Variants in ARHGAP42 observed in about 807,000 individuals in gnomAD.
ARHGAP42 encodes rho GTPase-activating protein 42.
In ARHGAP42, 63 loss-of-function variants were observed where a neutral mutation model predicts 125.0. The observed-to-expected ratio is 0.50, with a 90% CI of 0.41 to 0.62. The LOEUF is 0.62. ARHGAP42 is among the 20% of genes least tolerant of loss of function. The probability of loss-of-function intolerance (pLI) is 0.00; values close to 1 mark genes in which losing one functional copy is unlikely to be tolerated. For synonymous variants in ARHGAP42, 339 were observed against 351.0 expected (o/e 0.97, Z 0.38); for missense variants, 766 against 1,024.2 (o/e 0.75, Z 3.44).
At chr11:100,979,486 GT>G (rs1264382693) in intron 22 of ARHGAP42, among the ~76,000 whole-genome samples, 2 of 152,098 alleles carry the variant, frequency 1.3e-5, no homozygotes, top group African/African-American at 4.8e-5. Flanking sequence ...AAGCGACTCT[GT>G]TTTTAGAGTA....
At chr11:100,775,883 G>T (rs1565208952) in intron 2 of ARHGAP42, among the ~76,000 whole-genome samples, 2 of 152,244 alleles carry the variant, frequency 1.3e-5, no homozygotes, top group African/African-American at 2.4e-5. Flanking sequence ...ATTGTGGCCG[G>T]GTACGGTGGC....
intron 1 of ARHGAP42, among the ~76,000 whole-genome samples, chr11:100,767,902 A>G (rs142593754): frequency 0.016 from 2,498 of 152,294 alleles, 70 homozygotes; most frequent in African/African-American, 0.057. Flanking sequence ...TAAAAAGAAA[A>G]GCCTGTCTGA....
intron 1 of ARHGAP42, among the ~76,000 whole-genome samples, chr11:100,748,140 G>C (rs933222759): frequency 1.3e-5 from 2 of 152,124 alleles, no homozygotes; most frequent in African/African-American, 4.8e-5. Context: ...TGAAAACCTT[G>C]TAAGTTTGGG....
chr11:100,963,795 A>G (rs1858018806), intron 16 of ARHGAP42, among the ~76,000 whole-genome samples: 1 of 152,142 alleles, frequency 6.6e-6, no homozygotes, highest in Non-Finnish European at 1.5e-5. Context: ...GACCCTAATA[A>G]ATTCATGGCA....
In ARHGAP42 at chr11:100,687,584, T is replaced by C. The variant is rs1411869060; in HGVS notation, c.-95T>C. ...TCGCGTCCCGGCGCCTTCCCCGCGA[T>C]CGCGCGACCCCAGCGCCCGCCGCGG... On this transcript the variant is annotated 5_prime_UTR_variant, in exon 1 of 24. Transcript: ENST00000298815. 7.7e-6 allele frequency: 8 copies of C among 1,036,654 alleles called. No individual in the cohort carries two copies. The East Asian group carries it at 1.7e-4, about 22-fold the overall frequency. The allele number at this position is 1,036,654 out of a possible 1,614,324, so 64.2% of individuals were successfully genotyped here.
chr11:100,986,812 T>C lies in ARHGAP42; in HGVS notation c.2457-701T>C, dbSNP rs78882230. Among the ~76,000 whole-genome samples, 516 of 152,004 alleles carry C rather than the reference T, an allele frequency of 3.4e-3. 2 individuals carry two copies. Among genetic ancestry groups the C allele is most frequent in the African/African-American group, 0.012 (497 of 41,450 alleles). On this transcript the variant is annotated intron_variant, in intron 22 of 23. Transcript: ENST00000298815. ...TGTTGGCTCAAATATTTTTGGATCA[T>C]ATCTCATATGTAACTCCTAAATTCT...
At chr11:100,948,387 T>C in intron 10 of ARHGAP42, 70 bp from the exon 11 acceptor site, 1 of 1,111,782 alleles carries the variant, frequency 9.0e-7, no homozygotes, top group Non-Finnish European at 1.2e-6. Flanking sequence ...TCAAATTTTA[T>C]CTTTTTAGTT....
chr11:100,931,482 C>T (rs1044523314), intron 6 of ARHGAP42, among the ~76,000 whole-genome samples: 18 of 152,068 alleles, frequency 1.2e-4, no homozygotes, highest in South Asian at 2.1e-4. Flanking sequence ...TCAGGGGATT[C>T]GTTGTTTTAT....
At chr11:100,871,027 T>G (rs1865683261) in intron 4 of ARHGAP42, among the ~76,000 whole-genome samples, 1 of 152,204 alleles carries the variant, frequency 6.6e-6, no homozygotes, top group South Asian at 2.1e-4. Flanking sequence ...TTTGGTACTG[T>G]TGTAAATAAA....
chr11:100,939,781 A>G (rs79554474), intron 8 of ARHGAP42, among the ~76,000 whole-genome samples: 1 of 152,194 alleles, frequency 6.6e-6, no homozygotes, highest in African/African-American at 2.4e-5. Flanking sequence ...GTGCCAGTCA[A>G]CTTTAAAGAA....
At chr11:100,787,714 CAG>C (rs1863469179) in intron 2 of ARHGAP42, among the ~76,000 whole-genome samples, 1 of 152,254 alleles carries the variant, frequency 6.6e-6, no homozygotes, top group African/African-American at 2.4e-5. Flanking sequence ...GCACTGGGAA[CAG>C]GGGCTGAGTG....
chr11:100,726,475 G>T (rs541592217), intron 1 of ARHGAP42, among the ~76,000 whole-genome samples: 6 of 152,276 alleles, frequency 3.9e-5, no homozygotes, highest in Admixed American at 3.9e-4. Context: ...GCATATAATT[G>T]TTTTGAATTA....
chr11:100,863,099 A>G (rs1231221853), intron 4 of ARHGAP42, among the ~76,000 whole-genome samples: 1 of 150,624 alleles, frequency 6.6e-6, no homozygotes. Flanking sequence ...AAAAAAAGGC[A>G]TGTTCTTCTG....
chr11:100,930,592 A>G (rs1227952286), intron 6 of ARHGAP42, among the ~76,000 whole-genome samples: 1 of 152,180 alleles, frequency 6.6e-6, no homozygotes, highest in Non-Finnish European at 1.5e-5. Flanking sequence ...GAAGCTGCCA[A>G]TGGGTTTATT....
chr11:100,830,771 G>A (rs1156753492), intron 3 of ARHGAP42, among the ~76,000 whole-genome samples: 1 of 152,082 alleles, frequency 6.6e-6, no homozygotes, highest in African/African-American at 2.4e-5. Flanking sequence ...CCGTCATCTG[G>A]CATTGTTGGG....
chr11:100,910,706 G>A (rs747247466), intron 4 of ARHGAP42, among the ~76,000 whole-genome samples: 3 of 124,838 alleles, frequency 2.4e-5, no homozygotes, highest in Non-Finnish European at 5.8e-5. Context: ...GATGTGAGTT[G>A]CAAGGAAAAG....
rs978550437 is a variant in ARHGAP42, at chr11:100,965,534, T to C, written c.1445-137T>C. On this transcript the variant is annotated intron_variant, in intron 16 of 23. Transcript: ENST00000298815. ...AACTTCTGCAAGCCATAGGGAATGA[T>C]AATGACAGTACTACATGAAGCAATG... 2.8e-4 allele frequency: 206 copies of C among 741,692 alleles called. 1 individual carries two copies. In the African/African-American group the frequency reaches 3.4e-3, roughly 12 times the overall value. The allele number at this position is 741,692 out of a possible 1,614,324, so 45.9% of individuals were successfully genotyped here. A position where few individuals can be genotyped will look rare whatever the true frequency, so the allele number is the denominator to read the frequency against.
intron 4 of ARHGAP42, among the ~76,000 whole-genome samples, chr11:100,863,554 G>T (rs1591248380): frequency 6.6e-6 from 1 of 152,252 alleles, no homozygotes. Context: ...TGAGGCTCTT[G>T]GTAAGTTACA....
At chr11:100,963,595 A>G (rs946313533) in intron 16 of ARHGAP42, among the ~76,000 whole-genome samples, 1 of 152,244 alleles carries the variant, frequency 6.6e-6, no homozygotes, top group Non-Finnish European at 1.5e-5. Context: ...TTTTCAATCC[A>G]GCATTTATGA....
Sources: allele counts gnomAD v4.1 joint callset (sites outside exome capture counted in the v4.1 genomes callset), GRCh38; gene constraint gnomAD v4.1.1; transcripts MANE v1.5; gene names NCBI Gene and HGNC (gene_info 2026-07-23, HGNC 2026-07-21).